Variants in PCCA observed in about 807,000 individuals in gnomAD.
PCCA encodes the protein propionyl-CoA carboxylase alpha chain, mitochondrial.
In PCCA, 74 loss-of-function variants were observed where a neutral mutation model predicts 101.3. The observed-to-expected ratio is 0.73, with a 90% confidence interval of 0.61 to 0.89. PCCA has a LOEUF of 0.89. Among genes scored for constraint, PCCA ranks in the 40% least tolerant of loss-of-function variants. The pLI, the probability that PCCA is intolerant of heterozygous loss-of-function variation, is 0.00. For synonymous variants in PCCA, 294 were observed against 313.6 expected (o/e 0.94, Z 0.66); for missense variants, 891 against 907.0 (o/e 0.98, Z 0.23).
At position 100,339,563 on chromosome 13, in the gene PCCA, C is replaced by T. The variant is rs546810193; in HGVS notation, c.1541-594C>T. On this transcript the variant is annotated intron_variant, in intron 17 of 23. Transcript: ENST00000376285. Reference sequence around the variant, plus strand: ...GTCACTCACCCCAGGCCTTTGCGGCCAGCCGACTATCCCAGGTCCAGCTGT... The same window carrying T: ...GTCACTCACCCCAGGCCTTTGCGGCTAGCCGACTATCCCAGGTCCAGCTGT... 2.0e-5 allele frequency among the ~76,000 whole-genome samples: 3 copies of T among 152,300 alleles called. No individual in the cohort carries two copies. In the South Asian group the frequency reaches 6.2e-4, roughly 32 times the overall value.
intron 14 of PCCA, among the ~76,000 whole-genome samples, chr13:100,304,100 G>A (rs966039147): frequency 2.0e-5 from 3 of 152,176 alleles, no homozygotes; most frequent in African/African-American, 4.8e-5. Context: ...ATTTTCAAAC[G>A]TGAGACCTGT....
chr13:100,461,830 G>A (rs967629273), intron 21 of PCCA, among the ~76,000 whole-genome samples: 3 of 152,202 alleles, frequency 2.0e-5, no homozygotes, highest in Admixed American at 2.0e-4. Flanking sequence ...TACCCAAGCT[G>A]CATTGGTCCC....
intron 21 of PCCA, among the ~76,000 whole-genome samples, chr13:100,497,954 CG>C (rs1368458478): frequency 6.6e-6 from 1 of 151,886 alleles, no homozygotes; most frequent in Non-Finnish European, 1.5e-5. Flanking sequence ...CTGTAAACTT[CG>C]AACTACCGGG....
intron 18 of PCCA, among the ~76,000 whole-genome samples, chr13:100,353,223 A>G (rs759667729): frequency 1.3e-5 from 2 of 152,220 alleles, no homozygotes; most frequent in Non-Finnish European, 2.9e-5. Flanking sequence ...ACTAGAGAGA[A>G]TATCAGCAAG....
intron 10 of PCCA, among the ~76,000 whole-genome samples, chr13:100,263,790 C>T (rs1261770440): frequency 6.6e-6 from 1 of 150,966 alleles, no homozygotes; most frequent in African/African-American, 2.4e-5. Context: ...TATACGGTAT[C>T]TGTATATCAT....
chr13:100,146,164 C>G (rs2052530609), intron 4 of PCCA, among the ~76,000 whole-genome samples: 1 of 151,434 alleles, frequency 6.6e-6, no homozygotes, highest in South Asian at 2.1e-4. Context: ...TGATCTCAAA[C>G]TCCTGGCCTC....
At chr13:100,209,662 G>C (rs1490672525) in intron 7 of PCCA, among the ~76,000 whole-genome samples, 199 bp downstream of exon 7, 1 of 151,998 alleles carries the variant, frequency 6.6e-6, no homozygotes, top group Non-Finnish European at 1.5e-5. Flanking sequence ...ATGGAGTCTT[G>C]CTCTTGTCGC....
At chr13:100,322,931 A>G (rs1363214045) in intron 16 of PCCA, among the ~76,000 whole-genome samples, 1 of 152,192 alleles carries the variant, frequency 6.6e-6, no homozygotes, top group Non-Finnish European at 1.5e-5. Flanking sequence ...TTCTATAACT[A>G]GTTGCGCAGT....
chr13:100,431,865 C>G (rs1186656731), intron 20 of PCCA, among the ~76,000 whole-genome samples: 1 of 150,084 alleles, frequency 6.7e-6, no homozygotes, highest in Non-Finnish European at 1.5e-5. Flanking sequence ...GACTCCATCT[C>G]AAAAAAAATA....
At chr13:100,351,466 C>G (rs2073258827) in intron 18 of PCCA, among the ~76,000 whole-genome samples, 1 of 151,318 alleles carries the variant, frequency 6.6e-6, no homozygotes, top group South Asian at 2.1e-4. Flanking sequence ...GATTTGATTA[C>G]TTGATTTTTC....
At chr13:100,506,552 G>C (rs890283619) in intron 21 of PCCA, among the ~76,000 whole-genome samples, 1 of 152,088 alleles carries the variant, frequency 6.6e-6, no homozygotes, top group Non-Finnish European at 1.5e-5. Flanking sequence ...TTTGAATTTT[G>C]AGTTTCTTCA....
At chr13:100,205,356 T>C (rs1247348002) in intron 6 of PCCA, among the ~76,000 whole-genome samples, 1 of 152,238 alleles carries the variant, frequency 6.6e-6, no homozygotes. Context: ...CAAGAGCCTC[T>C]AATGTTGCTT....
intron 2 of PCCA, 143 bp downstream of exon 2, chr13:100,103,103 T>A (rs1227700351): frequency 3.2e-5 from 21 of 654,370 alleles, no homozygotes; most frequent in Non-Finnish European, 5.0e-5. Context: ...TGTGTTTCTA[T>A]AGGTGCTCAG....
chr13:100,502,706 G>A (rs2085768909), intron 21 of PCCA, among the ~76,000 whole-genome samples: 1 of 152,216 alleles, frequency 6.6e-6, no homozygotes, highest in African/African-American at 2.4e-5. Flanking sequence ...AGAGCTTTCT[G>A]TTGATTGGTG....
chr13:100,383,483 G>A (rs575023000), intron 19 of PCCA, among the ~76,000 whole-genome samples: 16 of 151,888 alleles, frequency 1.1e-4, no homozygotes, highest in East Asian at 7.9e-4. Flanking sequence ...GGTGATACAC[G>A]CCTGTAGCCT....
Position 100,495,767 on chromosome 13 carries a change from C to G in PCCA, c.1900-19660C>G, listed in dbSNP as rs556168762. Among the ~76,000 whole-genome samples, 12 of 152,260 alleles carry G rather than the reference C, an allele frequency of 7.9e-5. 1 individual carries two copies. The East Asian group carries it at 2.3e-3, about 29-fold the overall frequency. ...TGAACATAGCCTACACGCTTTTAAT[C>G]CTACACTTATTTTTTTCCCCATCTA... On this transcript the variant is annotated intron_variant, in intron 21 of 23. Transcript: ENST00000376285.
At chr13:100,178,577 C>A (rs2056451832) in intron 6 of PCCA, among the ~76,000 whole-genome samples, 1 of 152,242 alleles carries the variant, frequency 6.6e-6, no homozygotes, top group East Asian at 1.9e-4. Context: ...GACACAGAAT[C>A]TCTTAAGATG....
At chr13:100,113,206 G>A (rs1158226670) in intron 4 of PCCA, among the ~76,000 whole-genome samples, 1 of 152,152 alleles carries the variant, frequency 6.6e-6, no homozygotes, top group Non-Finnish European at 1.5e-5. Flanking sequence ...CTACAAACCT[G>A]TGCAGCACGT....
At chr13:100,133,625 C>A (rs1157285428) in intron 4 of PCCA, among the ~76,000 whole-genome samples, 1 of 151,990 alleles carries the variant, frequency 6.6e-6, no homozygotes, top group Non-Finnish European at 1.5e-5. Context: ...ATTTCAACAC[C>A]ATTCATTGAA....
Sources: gnomAD v4.1 joint callset for allele counts (sites outside exome capture counted in the v4.1 genomes callset) on GRCh38, gnomAD v4.1.1 for gene constraint, MANE v1.5 for transcripts, NCBI Gene and HGNC (gene_info 2026-07-23, HGNC 2026-07-21) for gene names.